Variants in ARMCX4 observed in about 807,000 individuals in gnomAD.
ARMCX4 encodes armadillo repeat containing X-linked 4.
In ARMCX4, 3 loss-of-function variants were observed where a neutral mutation model predicts 34.7. The observed-to-expected ratio is 0.09, with a 90% CI of 0.04 to 0.22. The LOEUF (loss-of-function observed/expected upper bound fraction) is 0.22, where lower values mean the gene tolerates loss of function less well. ARMCX4 is among the 10% of genes least tolerant of loss of function. The pLI is 1.00. For missense variants in ARMCX4, 1,448 were observed against 1,720.8 expected (o/e 0.84, Z 2.81); for synonymous variants, 513 against 632.8 (o/e 0.81, Z 2.84).
At chrX:101,512,046 TGGA>T (rs782088118) in intron 11 of ARMCX4, among the ~76,000 whole-genome samples, 1 of 111,348 alleles carries the variant, frequency 9.0e-6, no homozygotes, top group African/African-American at 3.3e-5. Flanking sequence ...GTATAGGGGC[TGGA>T]GGAGAAGATC....
At chrX:101,429,972 T>C (rs1209545646) in intron 2 of ARMCX4, among the ~76,000 whole-genome samples, 1 of 111,547 alleles carries the variant, frequency 9.0e-6, no homozygotes, top group African/African-American at 3.3e-5. Context: ...TAGTTGTTGC[T>C]ATCCTGTTAC....
At chrX:101,450,069 T>C (rs781936570), downstream of ARMCX4, among the ~76,000 whole-genome samples, 2 of 112,232 alleles carry the variant, frequency 1.8e-5, no homozygotes, top group Non-Finnish European at 3.8e-5. Flanking sequence ...ACAGAGTCTC[T>C]TTCTTTCTCT....
intron 4 of ARMCX4, among the ~76,000 whole-genome samples, chrX:101,474,464 C>A (rs1387480253): frequency 9.5e-6 from 1 of 105,669 alleles, no homozygotes; most frequent in African/African-American, 3.4e-5. Flanking sequence ...TTTTATGAGG[C>A]CAGCATCATT....
Position 101,493,610 on chromosome X carries a change from G to A in ARMCX4, c.5021G>A (p.Gly1674Asp), listed in dbSNP as rs1556010445. 2 of 1,154,863 alleles carry A rather than the reference G, an allele frequency of 1.7e-6. No individual in the cohort carries two copies. Among genetic ancestry groups the A allele is most frequent in the African/African-American group, 1.8e-5 (1 of 55,981 alleles). ...DQACGGGSWA[G>D]AGSQASGESW... ...GCTTGTGGAGGAGGCTCCTGGGCTG[G>A]TGCTGGGAGCCAAGCCAGTGGAGAA... The change falls in exon 6 of 6, where the codon GGT becomes GAT. Residue 1674 changes from glycine (G) to aspartate (D), a missense_variant. Coordinates refer to ENST00000423738, the MANE Select transcript of ARMCX4 (RefSeq NM_001256155.3).
In ARMCX4 at chrX:101,492,633, C is replaced by T. The variant is rs1556009880; in HGVS notation, c.4044C>T (p.Ser1348=). 3 of 1,125,615 alleles carry T rather than the reference C, an allele frequency of 2.7e-6. No homozygotes were observed. The highest frequency in any genetic ancestry group is 5.5e-5 in the Admixed American group (2 of 36,283). 92.8% of individuals were successfully genotyped at this position (1,125,615 alleles called of 1,213,427 possible). ...CAATGTTGGGGCCTGAGGACCAGTCCAGTGGAAGGTCTTGGGCTGACACTG... is the reference window on the plus strand; with the variant it reads ...CAATGTTGGGGCCTGAGGACCAGTCTAGTGGAAGGTCTTGGGCTGACACTG... The part of the protein sequence containing the change: ...GGSMLGPEDQ[S]SGRSWADTAD... The change falls in exon 6 of 6, where the codon TCC becomes TCT. Residue 1348 remains serine, a synonymous_variant. Coordinates refer to ENST00000423738, the MANE Select transcript of ARMCX4 (RefSeq NM_001256155.3).
chrX:101,515,482 CCTCCCTCCCT>C (rs1934719559), intron 11 of ARMCX4, among the ~76,000 whole-genome samples: 1 of 58,868 alleles, frequency 1.7e-5, no homozygotes, highest in Admixed American at 2.1e-4. Context: ...TCCCTCCCTC[CCTCCCTCCCT>C]CTCTCTCTTT....
chrX:101,470,226 T>C (rs1460689610), intron 4 of ARMCX4, among the ~76,000 whole-genome samples: 4 of 112,637 alleles, frequency 3.6e-5, no homozygotes, highest in Non-Finnish European at 7.5e-5. Context: ...ACGGATTAGT[T>C]TCGTTTGTTT....
chrX:101,474,291 A>G (rs1239686967), intron 4 of ARMCX4, among the ~76,000 whole-genome samples: 4,349 of 97,677 alleles, frequency 0.045, 299 homozygotes, highest in African/African-American at 0.16. Flanking sequence ...GACCAATAAC[A>G]GGAGCTGAAA....
At chrX:101,448,247 T>A (rs1931761973), downstream of ARMCX4, among the ~76,000 whole-genome samples, 1 of 112,369 alleles carries the variant, frequency 8.9e-6, no homozygotes, top group South Asian at 3.7e-4. Flanking sequence ...CATCTGTTGA[T>A]GGACACTTAG....
At chrX:101,467,079 TG>T (rs2147617157) in intron 4 of ARMCX4, among the ~76,000 whole-genome samples, 1 of 112,456 alleles carries the variant, frequency 8.9e-6, no homozygotes, top group East Asian at 2.8e-4. Flanking sequence ...TTAAAAATTT[TG>T]GTAAAATTAT....
intron 2 of ARMCX4, among the ~76,000 whole-genome samples, chrX:101,437,766 T>G (rs1442010406): frequency 2.7e-5 from 3 of 112,178 alleles, no homozygotes; most frequent in African/African-American, 9.7e-5. Flanking sequence ...ATTTCCTGCT[T>G]TCTCTTGTGG....
At chrX:101,453,938 A>G (rs1006163548) in intron 4 of ARMCX4, among the ~76,000 whole-genome samples, 2 of 110,482 alleles carry the variant, frequency 1.8e-5, no homozygotes, top group Non-Finnish European at 3.8e-5. Flanking sequence ...GACCATGAAG[A>G]GTTTTAGAAA....
intron 11 of ARMCX4, among the ~76,000 whole-genome samples, chrX:101,515,964 A>G (rs1229036522): frequency 6.2e-5 from 7 of 112,038 alleles, no homozygotes; most frequent in Non-Finnish European, 9.4e-5. Flanking sequence ...CTAAAACCAC[A>G]GAATTCACAG....
chrX:101,513,754 G>C (rs1186179872), intron 11 of ARMCX4, among the ~76,000 whole-genome samples: 3 of 110,632 alleles, frequency 2.7e-5, no homozygotes, highest in African/African-American at 9.9e-5. Flanking sequence ...TTCTTTGCTA[G>C]GTCAGGTGAC....
upstream of ARMCX4, among the ~76,000 whole-genome samples, chrX:101,484,240 C>T (rs782508642): frequency 6.4e-4 from 71 of 111,374 alleles, no homozygotes; most frequent in South Asian, 3.8e-4. Flanking sequence ...ATTGAACACT[C>T]GCCACTGCTA....
At chrX:101,523,097 G>T (rs782456828) in intron 11 of ARMCX4, among the ~76,000 whole-genome samples, 23 of 111,532 alleles carry the variant, frequency 2.1e-4, no homozygotes, top group Non-Finnish European at 1.9e-5. Context: ...AGGCTTGAAA[G>T]AATTCCTCAA....
chrX:101,429,259 A>G (rs1275764672), intron 2 of ARMCX4, among the ~76,000 whole-genome samples: 1 of 109,676 alleles, frequency 9.1e-6, no homozygotes, highest in Non-Finnish European at 1.9e-5. Context: ...TCCTGATACA[A>G]TGACTTATCT....
At chrX:101,450,017 G>A (rs375045638), downstream of ARMCX4, among the ~76,000 whole-genome samples, 3 of 111,799 alleles carry the variant, frequency 2.7e-5, no homozygotes, top group African/African-American at 6.5e-5. Flanking sequence ...TGGATTACCC[G>A]GAAGAGACTC....
chrX:101,483,801 A>G (rs1933575386), upstream of ARMCX4, among the ~76,000 whole-genome samples: 1 of 111,513 alleles, frequency 9.0e-6, no homozygotes, highest in Non-Finnish European at 1.9e-5. Flanking sequence ...CTGAAAAGCC[A>G]TTAGTAAGAT....
Sources: gnomAD v4.1 joint callset for allele counts (sites outside exome capture counted in the v4.1 genomes callset) on GRCh38, gnomAD v4.1.1 for gene constraint, MANE v1.5 for transcripts, NCBI Gene and HGNC (gene_info 2026-07-23, HGNC 2026-07-21) for gene names.